The following FSTL4 variants were observed in gnomAD, a reference collection of about 807,000 sequenced individuals.
FSTL4 encodes follistatin like 4, also known as follistatin-related protein 4.
In FSTL4, 28 loss-of-function variants were observed where a neutral mutation model predicts 78.2. That is an observed-to-expected ratio of 0.36 (90% CI 0.27 to 0.49). FSTL4 has a LOEUF of 0.49. Ranked by LOEUF, FSTL4 falls within the 20% of genes least tolerant of loss-of-function variation. FSTL4 has a pLI of 0.98. For missense variants in FSTL4, 922 were observed against 1,084.9 expected, an observed-to-expected ratio of 0.85 and a Z score of 2.11; for synonymous variants, 422 against 440.5, an observed-to-expected ratio of 0.96 and a Z score of 0.53.
intron 6 of FSTL4, among the ~76,000 whole-genome samples, chr5:133,300,046 C>T (rs1029493224): frequency 6.6e-6 from 1 of 152,188 alleles, no homozygotes. Flanking sequence ...ACTCAGAAGC[C>T]CTTAGCTTTA....
the FSTL4 span, among the ~76,000 whole-genome samples, chr5:133,772,069 A>G: frequency 6.6e-6 from 1 of 152,226 alleles, no homozygotes; most frequent in Non-Finnish European, 1.5e-5. Context: ...TAATTCTTCA[A>G]AATAACCCGG....
At chr5:133,376,514 A>G (rs891190104) in intron 4 of FSTL4, among the ~76,000 whole-genome samples, 3 of 152,204 alleles carry the variant, frequency 2.0e-5, no homozygotes, top group Non-Finnish European at 2.9e-5. Context: ...AGAAATAAAT[A>G]TAAATGGTGA....
At chr5:133,488,732 A>C (rs1408359439) in intron 3 of FSTL4, among the ~76,000 whole-genome samples, 5 of 152,232 alleles carry the variant, frequency 3.3e-5, no homozygotes, top group African/African-American at 1.2e-4. Context: ...AAAACATAGT[A>C]GTAAGAGCTT....
intron 3 of FSTL4, among the ~76,000 whole-genome samples, chr5:133,402,823 A>G (rs1470257544): frequency 6.6e-6 from 1 of 152,140 alleles, no homozygotes; most frequent in Non-Finnish European, 1.5e-5. Flanking sequence ...GATCCTAAGG[A>G]GGCGGGAATC....
At chr5:133,518,734 G>C (rs378040) in intron 3 of FSTL4, among the ~76,000 whole-genome samples, 9,759 of 152,256 alleles carry the variant, frequency 0.064, 347 homozygotes, top group Non-Finnish European at 0.076. Context: ...GAAAAAGCTT[G>C]GTTGGGAGAT....
At chr5:133,438,969 C>A (rs949842074) in intron 3 of FSTL4, among the ~76,000 whole-genome samples, 1 of 152,230 alleles carries the variant, frequency 6.6e-6, no homozygotes, top group African/African-American at 2.4e-5. Flanking sequence ...CTCCTGCCCA[C>A]TTTGGTGGAA....
chr5:133,834,724 T>C, the FSTL4 span, among the ~76,000 whole-genome samples: 1 of 152,116 alleles, frequency 6.6e-6, no homozygotes, highest in African/African-American at 2.4e-5. Flanking sequence ...ACTAAAAAAA[T>C]ATAAATCTGT....
At chr5:133,493,056 G>T (rs1758301428) in intron 3 of FSTL4, among the ~76,000 whole-genome samples, 1 of 151,732 alleles carries the variant, frequency 6.6e-6, no homozygotes, top group South Asian at 2.1e-4. Flanking sequence ...TTCCAAATTT[G>T]CTTGTTTTTC....
At chr5:133,300,866 C>T (rs1412320481) in intron 6 of FSTL4, among the ~76,000 whole-genome samples, 3 of 151,796 alleles carry the variant, frequency 2.0e-5, no homozygotes, top group African/African-American at 7.3e-5. Flanking sequence ...CCACGGGACA[C>T]CTGTTCTGAA....
intron 2 of FSTL4, among the ~76,000 whole-genome samples, chr5:133,598,703 G>A (rs965615778): frequency 6.7e-5 from 5 of 74,222 alleles, no homozygotes; most frequent in Non-Finnish European, 1.3e-4. Context: ...AAAGGAGTAC[G>A]TGGTTCGGTT....
chr5:133,625,623 T>G, the FSTL4 span, among the ~76,000 whole-genome samples: 1 of 148,006 alleles, frequency 6.8e-6, no homozygotes, highest in Admixed American at 6.9e-5. Context: ...CAATTTCTTT[T>G]CTTATTTTTA....
At chr5:133,391,577 G>C (rs1755851496) in intron 4 of FSTL4, among the ~76,000 whole-genome samples, 1 of 152,206 alleles carries the variant, frequency 6.6e-6, no homozygotes, top group African/African-American at 2.4e-5. Context: ...ATGGCCGACA[G>C]AGCCCTATGG....
the FSTL4 span, among the ~76,000 whole-genome samples, chr5:133,699,229 C>T: frequency 1.3e-5 from 2 of 152,130 alleles, no homozygotes. Flanking sequence ...CCACACAGGG[C>T]CTGAGGAATC....
At chr5:133,538,783 T>C (rs1759406905) in intron 3 of FSTL4, among the ~76,000 whole-genome samples, 1 of 152,178 alleles carries the variant, frequency 6.6e-6, no homozygotes, top group Admixed American at 6.5e-5. Flanking sequence ...TCTTTCATGG[T>C]TTCTGTGGGT....
chr5:133,532,152 T>C (rs991825992), intron 3 of FSTL4, among the ~76,000 whole-genome samples: 2 of 152,080 alleles, frequency 1.3e-5, no homozygotes, highest in Non-Finnish European at 2.9e-5. Context: ...ATGACAGAAG[T>C]AGACAAGTAG....
chr5:133,775,874 A>G, the FSTL4 span, among the ~76,000 whole-genome samples: 1 of 152,216 alleles, frequency 6.6e-6, no homozygotes. Context: ...ACGATGGTGA[A>G]GGGAAATGCT....
At chr5:133,534,851 C>G (rs1161194737) in intron 3 of FSTL4, among the ~76,000 whole-genome samples, 1 of 152,118 alleles carries the variant, frequency 6.6e-6, no homozygotes, top group Non-Finnish European at 1.5e-5. Context: ...AACTCCCTTC[C>G]TTTTTTCCAT....
At chr5:133,754,724 C>A in the FSTL4 span, among the ~76,000 whole-genome samples, 2 of 152,104 alleles carry the variant, frequency 1.3e-5, no homozygotes, top group African/African-American at 4.8e-5. Flanking sequence ...GCTCTGGGGA[C>A]AAAATGCCCA....
intron 7 of FSTL4, among the ~76,000 whole-genome samples, chr5:133,243,419 C>T (rs1751936912): frequency 6.6e-6 from 1 of 152,214 alleles, no homozygotes; most frequent in African/African-American, 2.4e-5. Flanking sequence ...ATGTTGCTTC[C>T]TTCCTTGCTG....
Sources: allele counts gnomAD v4.1 joint callset (sites outside exome capture counted in the v4.1 genomes callset), GRCh38; gene constraint gnomAD v4.1.1; transcripts MANE v1.5; gene names NCBI Gene and HGNC (gene_info 2026-07-23, HGNC 2026-07-21).